Variants in KIF13B observed in about 807,000 individuals in gnomAD.
KIF13B encodes the protein kinesin-like protein KIF13B.
In KIF13B, 127 loss-of-function variants were observed where a neutral mutation model predicts 222.0. The observed-to-expected ratio is 0.57, with a 90% CI of 0.50 to 0.66. The LOEUF (loss-of-function observed/expected upper bound fraction) is 0.66. Ranked by LOEUF, KIF13B falls within the 30% of genes least tolerant of loss-of-function variation. KIF13B has a pLI of 0.00. For synonymous variants in KIF13B, 976 were observed against 919.0 expected, an observed-to-expected ratio of 1.06 and a Z score of -1.12; for missense variants, 2,173 against 2,379.0, an observed-to-expected ratio of 0.91 and a Z score of 1.80.
chr8:29,207,696 A>G (rs1814015410), intron 2 of KIF13B, among the ~76,000 whole-genome samples: 1 of 152,200 alleles, frequency 6.6e-6, no homozygotes. Flanking sequence ...AAAGCAAAAA[A>G]AAAAAATGCT....
chr8:29,177,464 A>G lies in KIF13B; in HGVS notation c.833+2T>C. 6.4e-7 allele frequency: 1 copy of G among 1,574,586 alleles called. No homozygotes were observed. The highest frequency in any genetic ancestry group is 2.2e-5 in the East Asian group (1 of 44,726). The stretch of plus-strand genomic sequence containing the variant: ...ATAAAAATAAGCTTTGAGAGCACTT[A>G]CTTGTTAATGTTGCTCCCTTCCTTC... On this transcript the variant is annotated splice_donor_variant, in intron 9 of 39. Transcript: ENST00000524189. LOFTEE classifies it high-confidence loss of function.
chr8:29,236,635 A>G (rs771991891), intron 2 of KIF13B, among the ~76,000 whole-genome samples: 1 of 152,188 alleles, frequency 6.6e-6, no homozygotes, highest in Non-Finnish European at 1.5e-5. Context: ...GACCCATCCT[A>G]TATAAGTTTT....
intron 7 of KIF13B, 143 bp from the exon 8 acceptor site, chr8:29,180,381 G>A: frequency 1.2e-6 from 1 of 822,654 alleles, no homozygotes; most frequent in Non-Finnish European, 2.0e-6. Flanking sequence ...AATGAATATT[G>A]AGCCCCATGG....
At chr8:29,120,285 T>C (rs1164385700) in intron 29 of KIF13B, among the ~76,000 whole-genome samples, 7 of 115,494 alleles carry the variant, frequency 6.1e-5, no homozygotes, top group Admixed American at 9.1e-5. Context: ...CCCACTAACG[T>C]GTCATCTAGC....
chr8:29,175,129 G>GA (rs142251589), intron 10 of KIF13B, among the ~76,000 whole-genome samples: 5,390 of 151,568 alleles, frequency 0.036, 319 homozygotes, highest in African/African-American at 0.12. Flanking sequence ...TTTAAAAATA[G>GA]AAAAAAAAGA....
chr8:29,196,542 C>T (rs1001309630), intron 2 of KIF13B, among the ~76,000 whole-genome samples: 3 of 152,044 alleles, frequency 2.0e-5, no homozygotes, highest in Non-Finnish European at 4.4e-5. Context: ...TAATCTTTTA[C>T]TTTTTTATCA....
chr8:29,139,595 A>C (rs1810716905), intron 21 of KIF13B, among the ~76,000 whole-genome samples: 1 of 152,188 alleles, frequency 6.6e-6, no homozygotes, highest in Non-Finnish European at 1.5e-5. Flanking sequence ...CTGACACGTA[A>C]CTTACTCCCT....
intron 2 of KIF13B, among the ~76,000 whole-genome samples, chr8:29,199,587 AAAAAAAAAG>A (rs1186938210): frequency 7.9e-5 from 12 of 151,230 alleles, no homozygotes; most frequent in African/African-American, 2.7e-4. Flanking sequence ...AAAAAAAAAA[AAAAAAAAAG>A]AAAGAAATCC....
Position 29,070,627 on chromosome 8 carries a change from G to C in KIF13B, c.5358C>G (p.Pro1786=), listed in dbSNP as rs557308039. The C allele has an allele frequency of 1.9e-6, 3 of 1,574,526 alleles. No homozygotes were observed. The South Asian group carries it at 3.5e-5, about 18-fold the overall frequency. The change falls in exon 40 of 40, where the codon CCC becomes CCG. Residue 1786 remains proline (P), a synonymous_variant. Coordinates refer to ENST00000524189, the MANE Select transcript of KIF13B (RefSeq NM_015254.4). The surrounding 1 kb of genome is among the most constrained non-coding windows in gnomAD (Gnocchi z 4.1). Reference sequence around the variant, plus strand: ...AGAGGGTGGCGCTCCGGCGGGCCTCGGGGGCACCCAGCCGGAGTCCTGTGC... The same window carrying C: ...AGAGGGTGGCGCTCCGGCGGGCCTCCGGGGCACCCAGCCGGAGTCCTGTGC... ...RRSTGLRLGA[P]EARRSATLSG...
At chr8:29,101,189 C>T (rs1034219351) in intron 35 of KIF13B, among the ~76,000 whole-genome samples, 16 of 152,154 alleles carry the variant, frequency 1.1e-4, no homozygotes, top group Non-Finnish European at 1.9e-4. Flanking sequence ...TGGGAAGCTG[C>T]GGCCTTGTAT....
At position 29,245,435 on chromosome 8, in the gene KIF13B, A is replaced by G. The variant is rs777262088; in HGVS notation, c.60T>C (p.Thr20=). ...VRIRPMNRRE[T]DLHTKCVVDV... Reference sequence around the variant, plus strand: ...CCACCACACATTTGGTATGCAAGTCAGTCTCTGTGGATAAAAAAACAAGAA... The same window carrying G: ...CCACCACACATTTGGTATGCAAGTCGGTCTCTGTGGATAAAAAAACAAGAA... Residue 20 remains threonine (T), a synonymous_variant, in exon 2 of 40, where the codon ACT becomes ACC. Coordinates refer to ENST00000524189, the MANE Select transcript of KIF13B (RefSeq NM_015254.4). 4.9e-5 allele frequency: 77 copies of G among 1,586,622 alleles called. 1 individual carries two copies. In the Admixed American group the frequency reaches 1.1e-3, roughly 23 times the overall value.
At chr8:29,188,008 T>C (rs1163683835) in intron 5 of KIF13B, among the ~76,000 whole-genome samples, 2 of 152,228 alleles carry the variant, frequency 1.3e-5, no homozygotes, top group African/African-American at 4.8e-5. Context: ...ATGAGGCTTC[T>C]TGAAAATATC....
intron 21 of KIF13B, among the ~76,000 whole-genome samples, chr8:29,137,439 T>C (rs1248803561): frequency 1.3e-5 from 2 of 152,244 alleles, no homozygotes; most frequent in Non-Finnish European, 2.9e-5. Context: ...CCCAGGAATG[T>C]CTGCAGGCAC....
chr8:29,207,628 C>T (rs1814011352), intron 2 of KIF13B, among the ~76,000 whole-genome samples: 1 of 152,022 alleles, frequency 6.6e-6, no homozygotes, highest in South Asian at 2.1e-4. Flanking sequence ...CATTAATACA[C>T]CTTTTTATCC....
At position 29,068,092 on chromosome 8, in the gene KIF13B, A is replaced by G. The variant is rs1039770675; in HGVS notation, c.*2412T>C. The G allele has an allele frequency of 6.6e-5, 10 of 152,092 alleles. No individual in the cohort carries two copies. The highest frequency in any genetic ancestry group is 5.9e-4 in the Admixed American group (9 of 15,268). The allele number at this position is 152,092 out of a possible 1,614,324, so 9.4% of individuals were successfully genotyped here. On this transcript the variant is annotated 3_prime_UTR_variant, in exon 40 of 40. Coordinates refer to ENST00000524189, the MANE Select transcript of KIF13B (RefSeq NM_015254.4). This position sits in a 1 kb window ranked among gnomAD's most constrained non-coding sequence, Gnocchi z 4.4. Reference sequence around the variant, plus strand: ...GCCCCCAGAAGCATCCCCCACCCCCATCTCTGACAGCGCCGCGTGTGCAGT... The same window carrying G: ...GCCCCCAGAAGCATCCCCCACCCCCGTCTCTGACAGCGCCGCGTGTGCAGT...
chr8:29,094,246 G>A (rs1800932704), intron 36 of KIF13B, among the ~76,000 whole-genome samples: 1 of 152,136 alleles, frequency 6.6e-6, no homozygotes, highest in Non-Finnish European at 1.5e-5. Flanking sequence ...CAATACAGGG[G>A]ACAGAATTGC....
At position 29,150,331 on chromosome 8, in the gene KIF13B, C is replaced by A. The variant is rs1353146685; in HGVS notation, c.1588G>T (p.Asp530Tyr). 9.4e-6 allele frequency: 15 copies of A among 1,593,912 alleles called. No homozygotes were observed. The highest frequency in any genetic ancestry group is 1.3e-5 in the African/African-American group (1 of 74,558). Residue 530 changes from aspartate to tyrosine, a missense_variant, in exon 15 of 40, where the codon GAC becomes TAC. Coordinates refer to ENST00000524189, the MANE Select transcript of KIF13B (RefSeq NM_015254.4). ...TGATTGTTTCCCCATAATATCCTGT[C>A]CCCATGGTGTAGCTGTATTGGACTG... ...VSSPIQLHHG[D>Y]RILWGNNHFF...
At chr8:29,163,971 A>C (rs1326992009) in intron 12 of KIF13B, among the ~76,000 whole-genome samples, 1 of 152,212 alleles carries the variant, frequency 6.6e-6, no homozygotes, top group Admixed American at 6.5e-5. Context: ...ATGTAATGAG[A>C]AATAGTTTAT....
chr8:29,071,824 C>A lies in KIF13B; in HGVS notation c.5014G>T (p.Gly1672Trp), dbSNP rs1191713559. ...GGGGCCGGCGCATTCCCCTCGGCCC[C>A]CGGGGAGCAGCCGGGGTCCCCAGCC... ...MLAGDPGCSP[G>W]AEGNAPAPGA... The change falls in exon 39 of 40, where the codon GGG becomes TGG. Residue 1672 changes from glycine (G) to tryptophan (W), a missense_variant. Around this residue, in one of 2 missense-constraint regions of KIF13B, gnomAD observed 693 missense variants for 656.2 expected, o/e 1.06. Coordinates refer to ENST00000524189, the MANE Select transcript of KIF13B (RefSeq NM_015254.4). The surrounding 1 kb of genome is among the most constrained non-coding windows in gnomAD (Gnocchi z 4.9). 1.3e-6 allele frequency: 2 copies of A among 1,542,676 alleles called. No homozygotes were observed. The highest frequency in any genetic ancestry group is 1.2e-5 in the South Asian group (1 of 83,994).
Sources: allele counts gnomAD v4.1 joint callset (sites outside exome capture counted in the v4.1 genomes callset), GRCh38; gene constraint gnomAD v4.1.1; regional missense constraint gnomAD v4.1.1; non-coding constraint Gnocchi (gnomAD v3.1); transcripts MANE v1.5; gene names NCBI Gene and HGNC (gene_info 2026-07-23, HGNC 2026-07-21).